The following ZKSCAN1 variants were observed in gnomAD, a reference collection of about 807,000 sequenced individuals.
ZKSCAN1 encodes zinc finger protein with KRAB and SCAN domains 1.
A neutral mutation model predicts 51.6 loss-of-function variants in ZKSCAN1; 14 were observed. The observed-to-expected ratio is 0.27, with a 90% CI of 0.18 to 0.42. The LOEUF is 0.42. Ranked by LOEUF, ZKSCAN1 falls within the 10% of genes least tolerant of loss-of-function variation. ZKSCAN1 has a pLI of 1.00. For synonymous variants in ZKSCAN1, 263 were observed against 261.5 expected (o/e 1.01, Z -0.06); for missense variants, 531 against 710.0 (o/e 0.75, Z 2.86).
chr7:100,017,596 A>G (rs1790422463), intron 1 of ZKSCAN1, among the ~76,000 whole-genome samples: 1 of 152,194 alleles, frequency 6.6e-6, no homozygotes, highest in Non-Finnish European at 1.5e-5. Flanking sequence ...TGAGCTTGTA[A>G]CTTCAAGCCG....
At chr7:100,019,753 G>A (rs542142166) in intron 1 of ZKSCAN1, among the ~76,000 whole-genome samples, 1 of 151,844 alleles carries the variant, frequency 6.6e-6, no homozygotes, top group Non-Finnish European at 1.5e-5. Flanking sequence ...CCAGACTGGA[G>A]TGCAGTGGTG....
At chr7:100,032,885 G>A (rs371357535) in intron 5 of ZKSCAN1, among the ~76,000 whole-genome samples, 16 of 152,170 alleles carry the variant, frequency 1.1e-4, no homozygotes, top group East Asian at 3.9e-4. Flanking sequence ...GCGGGCGCCT[G>A]TAGTCCCAGC....
rs143592145 is a variant in ZKSCAN1, at chr7:100,041,468, C to T, written c.*7271C>T. 141 of 985,256 alleles carry T rather than the reference C, an allele frequency of 1.4e-4. No individual in the cohort carries two copies. The African/African-American group carries it at 2.2e-3, about 15-fold the overall frequency. The allele number at this position is 985,256 out of a possible 1,614,324, so 61.0% of individuals were successfully genotyped here. A position where few individuals can be genotyped will look rare whatever the true frequency, so the allele number is the denominator to read the frequency against. On this transcript the variant is annotated 3_prime_UTR_variant, in exon 6 of 6. Coordinates refer to ENST00000324306, the MANE Select transcript of ZKSCAN1 (RefSeq NM_003439.4). The stretch of plus-strand genomic sequence containing the variant: ...CACTAAAAGTAACCATTGGAAACCT[C>T]GAATGAGGGCTAAAGTTTTAATCAT...
At position 100,023,900 on chromosome 7, in the gene ZKSCAN1, G is replaced by T; in HGVS notation, c.394G>T (p.Glu132Ter). ...DSGEEAVTLL[E>*]DLELDLSGQQ... is the part of the protein sequence containing the mutation. The stretch of plus-strand genomic sequence containing the variant: ...TGGAGAGGAGGCCGTGACCCTTCTA[G>T]AAGACTTGGAGCTTGATTTATCAGG... Residue 132 changes from glutamate (E) to a stop codon, truncating the protein, a stop_gained, in exon 2 of 6, where the codon GAA (glutamate) becomes TAA (stop). Coordinates refer to ENST00000324306, the MANE Select transcript of ZKSCAN1 (RefSeq NM_003439.4). LOFTEE classifies it high-confidence loss of function. 1 of 1,602,924 alleles carries T rather than the reference G, an allele frequency of 6.2e-7. No individual in the cohort carries two copies.
downstream of ZKSCAN1, chr7:100,044,721 T>C (rs201585679): frequency 1.5e-5 from 14 of 938,136 alleles, no homozygotes; most frequent in Admixed American, 8.0e-4. Flanking sequence ...ACTGAATAAT[T>C]TTTTTCATGA....
intron 1 of ZKSCAN1, among the ~76,000 whole-genome samples, chr7:100,018,801 T>C (rs1052808725): frequency 2.2e-4 from 34 of 152,316 alleles, no homozygotes; most frequent in Admixed American, 1.8e-3. Flanking sequence ...GCCTTTCCAC[T>C]GCTGTGATGG....
intron 1 of ZKSCAN1, chr7:100,019,225 GAGA>G (rs1228086961): frequency 8.6e-5 from 13 of 151,792 alleles, no homozygotes; most frequent in African/African-American, 1.5e-4. Flanking sequence ...TTTTCTCTTT[GAGA>G]AGGAGTCTCT....
chr7:100,031,279 T>A (rs1331276339), intron 5 of ZKSCAN1, among the ~76,000 whole-genome samples: 2 of 145,362 alleles, frequency 1.4e-5, no homozygotes, highest in African/African-American at 5.1e-5. Context: ...GATGATTTTT[T>A]TTTTTTTTTT....
intron 3 of ZKSCAN1, among the ~76,000 whole-genome samples, chr7:100,027,190 A>G (rs575827135): frequency 2.0e-5 from 3 of 152,126 alleles, no homozygotes; most frequent in East Asian, 3.9e-4. Context: ...GCAGCTACTC[A>G]GGAGGCTGAG....
At position 100,024,157 on chromosome 7, in the gene ZKSCAN1, C is replaced by A. The variant is rs765944933; in HGVS notation, c.430C>A (p.Pro144Thr). The change falls in exon 3 of 6, where the codon CCA (proline) becomes ACA (threonine). Residue 144 changes from proline (P) to threonine (T), a missense_variant. Physicochemically the swap from Pro to Thr is conservative, Grantham distance 38 (BLOSUM62 -1). This residue lies in a region of ZKSCAN1 where 403 missense variants were observed against 490.5 expected (regional missense o/e 0.82). Transcript: ENST00000324306. ...AGCCCAACCTGTCTGTCTTCAGGTC[C>A]CAGGTCAAGTTCATGGACCTGAGAT... ...LELDLSGQQV[P>T]GQVHGPEMLA... 1 of 1,609,600 alleles carries A rather than the reference C, an allele frequency of 6.2e-7. No homozygotes were observed. The highest frequency in any genetic ancestry group is 1.7e-5 in the Admixed American group (1 of 58,780).
In ZKSCAN1 at chr7:100,023,619, G is replaced by T. The variant is rs368650035; in HGVS notation, c.113G>T (p.Trp38Leu). The change falls in exon 2 of 6, where the codon TGG (tryptophan) becomes TTG (leucine). Residue 38 changes from tryptophan (W) to leucine (L), a missense_variant. Trp to Leu is a moderately conservative substitution (Grantham distance 61, BLOSUM62 -2). Transcript: ENST00000324306. ...VEEEDEEDHMWGQDSTLQDTP... is the reference protein window; with the variant it reads ...VEEEDEEDHMLGQDSTLQDTP... The stretch of plus-strand genomic sequence containing the variant: ...GAGGAAGATGAGGAAGACCACATGT[G>T]GGGGCAGGATTCCACCCTACAGGAC... 5 of 1,613,996 alleles carry T rather than the reference G, an allele frequency of 3.1e-6. No homozygotes were observed. Among genetic ancestry groups the T allele is most frequent in the Non-Finnish European group, 4.2e-6 (5 of 1,180,040 alleles).
chr7:100,027,664 C>T (rs1158463415), intron 3 of ZKSCAN1, among the ~76,000 whole-genome samples: 1 of 147,438 alleles, frequency 6.8e-6, no homozygotes, highest in Non-Finnish European at 1.5e-5. Flanking sequence ...AGGAGAATGG[C>T]GTGAACCCGG....
chr7:100,036,204 GT>G lies in ZKSCAN1; in HGVS notation c.*2010del, dbSNP rs1672293585. ...ACAACTTCCCTATAGCTTCTAAGCA[GT>G]TTCATCAGCATTACTTGGGAAAACG... On this transcript the variant is annotated 3_prime_UTR_variant, in exon 6 of 6. Transcript: ENST00000324306. The G allele has an allele frequency of 2.0e-6, 2 of 985,408 alleles. No homozygotes were observed. Among genetic ancestry groups the G allele is most frequent in the Non-Finnish European group, 2.4e-6 (2 of 829,932 alleles). The allele number at this position is 985,408 out of a possible 1,614,324, so 61.0% of individuals were successfully genotyped here. A position where few individuals can be genotyped will look rare whatever the true frequency, so the allele number is the denominator to read the frequency against.
chr7:100,044,518 A>T (rs1791675569), downstream of ZKSCAN1, among the ~76,000 whole-genome samples: 1 of 151,864 alleles, frequency 6.6e-6, no homozygotes, highest in Non-Finnish European at 1.5e-5. Flanking sequence ...AAAATACAAA[A>T]AAATAAAATA....
chr7:100,028,809 A>AC (rs1160118032), intron 3 of ZKSCAN1, among the ~76,000 whole-genome samples: 6 of 151,832 alleles, frequency 4.0e-5, no homozygotes, highest in Admixed American at 3.9e-4. Flanking sequence ...AAAAAAAAAA[A>AC]AAACAGTATT....
Position 100,035,961 on chromosome 7 carries a change from C to T in ZKSCAN1, c.*1764C>T. ...CATAGACTGAGAACAAACCTCAAGA[C>T]TATCAGTGTGACCTCCCCATAACAA... On this transcript the variant is annotated 3_prime_UTR_variant, in exon 6 of 6. Coordinates refer to ENST00000324306, the MANE Select transcript of ZKSCAN1 (RefSeq NM_003439.4). The T allele has an allele frequency of 1.0e-6, 1 of 985,450 alleles. No homozygotes were observed. Among genetic ancestry groups the T allele is most frequent in the Non-Finnish European group, 1.2e-6 (1 of 829,942 alleles). The allele number at this position is 985,450 out of a possible 1,614,324, so 61.0% of individuals were successfully genotyped here. A position where few individuals can be genotyped will look rare whatever the true frequency, so the allele number is the denominator to read the frequency against.
chr7:100,027,773 G>T (rs993411406), intron 3 of ZKSCAN1, among the ~76,000 whole-genome samples: 1 of 150,216 alleles, frequency 6.7e-6, no homozygotes, highest in Non-Finnish European at 1.5e-5. Flanking sequence ...AAACACCGGT[G>T]CACCGTGATG....
rs1005505105 is a variant in ZKSCAN1 at position 100,038,059 on chromosome 7, GCAGAGGATCTA to G, written c.*3867_*3877del. 67 of 984,908 alleles carry G rather than the reference GCAGAGGATCTA, an allele frequency of 6.8e-5. No homozygotes were observed. The highest frequency in any genetic ancestry group is 7.2e-5 in the Non-Finnish European group (60 of 829,872). The allele number at this position is 984,908 out of a possible 1,614,324, so 61.0% of individuals were successfully genotyped here. ...TGCGGGGGGGTGCTCAATCTTAACTGCAGAGGATCTACAGATGAAAAAAAATGTGGGGAAAT... is the reference window on the plus strand; with the variant it reads ...TGCGGGGGGGTGCTCAATCTTAACTGCAGATGAAAAAAAATGTGGGGAAAT... On this transcript the variant is annotated 3_prime_UTR_variant, in exon 6 of 6. Coordinates refer to ENST00000324306, the MANE Select transcript of ZKSCAN1 (RefSeq NM_003439.4).
In ZKSCAN1 at chr7:100,040,025, A is replaced by G. The variant is rs900966403; in HGVS notation, c.*5828A>G. The G allele has an allele frequency of 1.1e-6, 1 of 878,028 alleles. No homozygotes were observed. The highest frequency in any genetic ancestry group is 6.2e-5 in the Admixed American group (1 of 16,108). 54.4% of individuals were successfully genotyped at this position (878,028 alleles called of 1,614,324 possible). On this transcript the variant is annotated 3_prime_UTR_variant, in exon 6 of 6. Coordinates refer to ENST00000324306, the MANE Select transcript of ZKSCAN1 (RefSeq NM_003439.4). ...AGTGGACACACTACATTTAAAAGCA[A>G]TTATTTTGCTATTCAGATTTTTTAT...
Sources: allele counts gnomAD v4.1 joint callset (sites outside exome capture counted in the v4.1 genomes callset), GRCh38; gene constraint gnomAD v4.1.1; regional missense constraint gnomAD v4.1.1; transcripts MANE v1.5; gene names NCBI Gene and HGNC (gene_info 2026-07-23, HGNC 2026-07-21).